Variants in BBS9 observed in about 807,000 individuals in gnomAD.
The protein encoded by BBS9 is protein PTHB1.
Under a neutral mutation model 117.7 loss-of-function variants are expected in BBS9, and 89 were observed. That is an observed-to-expected ratio of 0.76 (90% CI 0.64 to 0.90). The LOEUF (loss-of-function observed/expected upper bound fraction) is 0.90, where lower values mean the gene tolerates loss of function less well. Among genes scored for constraint, BBS9 ranks in the 40% least tolerant of loss-of-function variants. The pLI, the probability that BBS9 is intolerant of heterozygous loss-of-function variation, is 0.00. For missense variants in BBS9, 982 were observed against 1,042.2 expected (o/e 0.94, Z 0.80); for synonymous variants, 379 against 370.9 (o/e 1.02, Z -0.25).
chr7:33,452,091 C>T (rs997417489), intron 19 of BBS9, among the ~76,000 whole-genome samples: 1 of 152,180 alleles, frequency 6.6e-6, no homozygotes, highest in African/African-American at 2.4e-5. Context: ...GCCTCAGCCT[C>T]CCCAAGTGCT....
intron 19 of BBS9, among the ~76,000 whole-genome samples, chr7:33,403,122 G>C (rs1829217443): frequency 6.6e-6 from 1 of 151,586 alleles, no homozygotes; most frequent in Non-Finnish European, 1.5e-5. Context: ...TTTAGATTCA[G>C]GGAGTAGATG....
intron 21 of BBS9, among the ~76,000 whole-genome samples, chr7:33,601,598 G>A (rs911761040): frequency 3.3e-5 from 5 of 152,022 alleles, no homozygotes; most frequent in African/African-American, 9.7e-5. Context: ...TGTGGGATGG[G>A]GCCTGAGATT....
chr7:33,430,772 T>A (rs1043497961), intron 19 of BBS9, among the ~76,000 whole-genome samples: 2 of 152,302 alleles, frequency 1.3e-5, no homozygotes, highest in Middle Eastern at 3.4e-3. Context: ...AGTGTTTCGA[T>A]CATAAGAAAT....
chr7:33,535,193 A>G (rs1851189539), intron 21 of BBS9, among the ~76,000 whole-genome samples: 2 of 152,194 alleles, frequency 1.3e-5, no homozygotes, highest in Non-Finnish European at 2.9e-5. Flanking sequence ...TACTACTTAT[A>G]TGACCCTGAG....
At chr7:33,233,953 A>G (rs1442747601) in intron 5 of BBS9, among the ~76,000 whole-genome samples, 1 of 152,074 alleles carries the variant, frequency 6.6e-6, no homozygotes, top group African/African-American at 2.4e-5. Context: ...TCCAGAAATA[A>G]ACAATTCGTA....
chr7:33,552,774 A>G (rs957599551), intron 21 of BBS9, among the ~76,000 whole-genome samples: 2 of 152,060 alleles, frequency 1.3e-5, no homozygotes, highest in Non-Finnish European at 2.9e-5. Context: ...TGCCCTTCCC[A>G]TCCATTTATT....
chr7:33,344,151 G>A lies in BBS9; in HGVS notation c.1276-430G>A, dbSNP rs148674570. 2.9e-3 allele frequency among the ~76,000 whole-genome samples: 420 copies of A among 142,432 alleles called. 2 individuals are homozygous for A. The highest frequency in any genetic ancestry group is 0.029 in the East Asian group (137 of 4,688). The allele number at this position is 142,432 out of a possible 152,430, so 93.4% of individuals were successfully genotyped here. The stretch of plus-strand genomic sequence containing the variant: ...GGCTGGAGTGCAGTGGCGTGATCTC[G>A]GCTCACTGCAAGCTCCGCCTCCCGG... On this transcript the variant is annotated intron_variant, in intron 11 of 22. Coordinates refer to ENST00000242067, the MANE Select transcript of BBS9 (RefSeq NM_198428.3).
chr7:33,305,700 C>T (rs984465968), intron 9 of BBS9, among the ~76,000 whole-genome samples: 3 of 152,024 alleles, frequency 2.0e-5, no homozygotes, highest in Non-Finnish European at 2.9e-5. Context: ...GCATATGTTG[C>T]TCATAGTACC....
downstream of BBS9, among the ~76,000 whole-genome samples, chr7:33,607,076 G>A (rs1864614833): frequency 6.6e-6 from 1 of 152,006 alleles, no homozygotes; most frequent in Non-Finnish European, 1.5e-5. Flanking sequence ...CTTACTTATT[G>A]TATTTCAGAA....
chr7:33,210,312 A>G lies in BBS9; in HGVS notation c.442+32721A>G, dbSNP rs189901914. Among the ~76,000 whole-genome samples the G allele has an allele frequency of 5.6e-4, 86 of 152,334 alleles. No individual in the cohort carries two copies. The South Asian group carries it at 6.8e-3, about 12-fold the overall frequency. On this transcript the variant is annotated intron_variant, in intron 5 of 22. Transcript: ENST00000242067. ...TTAAAGAATCATTTTGTGACCTAACATATGGTCTGTCCTTGAGAATGATCC... is the reference window on the plus strand; with the variant it reads ...TTAAAGAATCATTTTGTGACCTAACGTATGGTCTGTCCTTGAGAATGATCC...
At chr7:33,490,391 G>A (rs766107300) in intron 19 of BBS9, among the ~76,000 whole-genome samples, 8 of 151,932 alleles carry the variant, frequency 5.3e-5, no homozygotes, top group Non-Finnish European at 1.2e-4. Flanking sequence ...TAACAGAGAA[G>A]CTTTACATGA....
chr7:33,303,529 GCC>G (rs1205416824), intron 9 of BBS9, among the ~76,000 whole-genome samples: 4 of 100,260 alleles, frequency 4.0e-5, no homozygotes, highest in African/African-American at 1.6e-4. Flanking sequence ...CCCTCCCCCC[GCC>G]CCTTCTTTCT....
chr7:33,270,645 A>G (rs1386810657), intron 7 of BBS9, among the ~76,000 whole-genome samples: 1 of 152,200 alleles, frequency 6.6e-6, no homozygotes, highest in Non-Finnish European at 1.5e-5. Context: ...CTGAAATAAG[A>G]CAGTCAGACA....
chr7:33,564,192 A>G (rs940397389), intron 21 of BBS9, among the ~76,000 whole-genome samples: 3 of 152,122 alleles, frequency 2.0e-5, no homozygotes, highest in African/African-American at 7.2e-5. Flanking sequence ...TTATAGTGTA[A>G]TTTATCTGCT....
Position 33,534,422 on chromosome 7 carries a change from C to T in BBS9, c.2521+246C>T, listed in dbSNP as rs576995586. The T allele has an allele frequency of 2.0e-5, 11 of 548,320 alleles. No individual in the cohort carries two copies. In the East Asian group the frequency reaches 3.5e-4, roughly 18 times the overall value. The allele number at this position is 548,320 out of a possible 1,614,324, so 34.0% of individuals were successfully genotyped here. ...TCTCTCTGCTTTTAAATATATGATC[C>T]ATTTTGTTTTGCTTCTAACTAATAA... On this transcript the variant is annotated intron_variant, in intron 21 of 22. Coordinates refer to ENST00000242067, the MANE Select transcript of BBS9 (RefSeq NM_198428.3).
Position 33,605,802 on chromosome 7 carries a change from T to C in BBS9, c.*576T>C, listed in dbSNP as rs1042252063. Reference sequence around the variant, plus strand: ...GAAACTTTCATGTGATTTGTTCTATTAAGCTAAACGTGGAAGAAGGGAAGT... The same window carrying C: ...GAAACTTTCATGTGATTTGTTCTATCAAGCTAAACGTGGAAGAAGGGAAGT... On this transcript the variant is annotated 3_prime_UTR_variant, in exon 23 of 23. Coordinates refer to ENST00000242067, the MANE Select transcript of BBS9 (RefSeq NM_198428.3). 6.4e-6 allele frequency: 1 copy of C among 156,084 alleles called. No homozygotes were observed. Among genetic ancestry groups the C allele is most frequent in the Non-Finnish European group, 1.4e-5 (1 of 70,342 alleles). The allele number at this position is 156,084 out of a possible 1,614,324, so 9.7% of individuals were successfully genotyped here.
chr7:33,409,832 C>T (rs1021392475), intron 19 of BBS9, among the ~76,000 whole-genome samples: 2 of 152,100 alleles, frequency 1.3e-5, no homozygotes, highest in South Asian at 2.1e-4. Flanking sequence ...TTTCTGCCAC[C>T]GTGCATTTGC....
At chr7:33,383,304 A>G (rs546563067) in intron 17 of BBS9, among the ~76,000 whole-genome samples, 7 of 152,346 alleles carry the variant, frequency 4.6e-5, no homozygotes, top group African/African-American at 1.4e-4. Flanking sequence ...AAATGATACT[A>G]ATGATAACAA....
At chr7:33,518,636 T>A (rs1716625323) in intron 20 of BBS9, among the ~76,000 whole-genome samples, 1 of 152,188 alleles carries the variant, frequency 6.6e-6, no homozygotes, top group African/African-American at 2.4e-5. Context: ...AAACCCCCCA[T>A]AGTATTTAGT....
Sources: gnomAD v4.1 joint callset for allele counts (sites outside exome capture counted in the v4.1 genomes callset) on GRCh38, gnomAD v4.1.1 for gene constraint, MANE v1.5 for transcripts, NCBI Gene and HGNC (gene_info 2026-07-23, HGNC 2026-07-21) for gene names.